Variants in CTNND2 observed in about 807,000 individuals in gnomAD.
The protein encoded by CTNND2 is catenin delta-2.
A neutral mutation model predicts 144.4 loss-of-function variants in CTNND2; 22 were observed. That is an observed-to-expected ratio of 0.15 (90% confidence interval 0.11 to 0.22). The LOEUF (loss-of-function observed/expected upper bound fraction) is 0.22. Ranked by LOEUF, CTNND2 falls within the 10% of genes least tolerant of loss-of-function variation. The pLI is 1.00. For synonymous variants in CTNND2, 751 were observed against 695.6 expected, an observed-to-expected ratio of 1.08 and a Z score of -1.25; for missense variants, 1,353 against 1,618.8, an observed-to-expected ratio of 0.84 and a Z score of 2.82.
chr5:11,129,358 A>T (rs1272595217), intron 12 of CTNND2, among the ~76,000 whole-genome samples: 1 of 129,098 alleles, frequency 7.7e-6, no homozygotes, highest in Non-Finnish European at 1.6e-5. Flanking sequence ...TCCTCGGAGC[A>T]TGTGGAAGGG....
chr5:11,592,282 TCCTTTCTG>T (rs1779296250), intron 2 of CTNND2, among the ~76,000 whole-genome samples: 1 of 151,256 alleles, frequency 6.6e-6, no homozygotes, highest in Non-Finnish European at 1.5e-5. Context: ...CTTCCTTCCT[TCCTTTCTG>T]CCTTCCTTCC....
intron 21 of CTNND2, among the ~76,000 whole-genome samples, chr5:10,976,950 G>A (rs1027441807): frequency 2.6e-5 from 4 of 152,184 alleles, no homozygotes; most frequent in African/African-American, 9.7e-5. Flanking sequence ...GCATCACCTG[G>A]GAACTTGTTA....
chr5:11,150,548 A>C (rs1217977335), intron 12 of CTNND2, among the ~76,000 whole-genome samples: 1 of 151,748 alleles, frequency 6.6e-6, no homozygotes, highest in African/African-American at 2.4e-5. Flanking sequence ...AGTGCAGCAC[A>C]GATAGCATCC....
intron 2 of CTNND2, among the ~76,000 whole-genome samples, chr5:11,699,364 A>T (rs1785307029): frequency 6.6e-6 from 1 of 152,162 alleles, no homozygotes; most frequent in Admixed American, 6.5e-5. Context: ...ACCTGGGAGG[A>T]TGACTAAGTC....
At chr5:11,089,300 G>T (rs1213757063) in intron 15 of CTNND2, among the ~76,000 whole-genome samples, 1 of 152,154 alleles carries the variant, frequency 6.6e-6, no homozygotes, top group Non-Finnish European at 1.5e-5. Context: ...CTCAATCATG[G>T]AACCCTAGCC....
At chr5:11,812,684 A>T (rs1009598656) in intron 1 of CTNND2, among the ~76,000 whole-genome samples, 1 of 152,234 alleles carries the variant, frequency 6.6e-6, no homozygotes. Flanking sequence ...TGATTAAAGA[A>T]AAAAGGTTCC....
At chr5:11,004,374 T>A (rs1339268498) in intron 18 of CTNND2, among the ~76,000 whole-genome samples, 1 of 152,234 alleles carries the variant, frequency 6.6e-6, no homozygotes, top group Non-Finnish European at 1.5e-5. Context: ...ATTTGAACAG[T>A]CAGCTATTTT....
At chr5:11,834,096 T>C (rs1431189561) in intron 1 of CTNND2, among the ~76,000 whole-genome samples, 1 of 152,076 alleles carries the variant, frequency 6.6e-6, no homozygotes. Context: ...AAGGAGTAGA[T>C]TGTAGTAAAG....
chr5:11,450,262 G>T (rs1313935338), intron 3 of CTNND2, among the ~76,000 whole-genome samples: 1 of 152,152 alleles, frequency 6.6e-6, no homozygotes, highest in Non-Finnish European at 1.5e-5. Context: ...CTATTGGTAG[G>T]TTCTATCATA....
At chr5:11,526,760 C>A (rs1204445094) in intron 3 of CTNND2, among the ~76,000 whole-genome samples, 1 of 152,140 alleles carries the variant, frequency 6.6e-6, no homozygotes. Context: ...TAGGTACACA[C>A]CCAGGAGAAC....
rs186380571 is a variant in CTNND2, at chr5:11,764,968, T to C, written c.38-32696A>G. ...TAACTCAGACTGCAAATTTATCAAG[T>C]TCCATTGGCCATGGGGCAACATGAA... On this transcript the variant is annotated intron_variant, in intron 1 of 21. Transcript: ENST00000304623. Among the ~76,000 whole-genome samples the C allele has an allele frequency of 3.4e-4, 52 of 152,236 alleles. No individual in the cohort carries two copies. The East Asian group carries it at 9.7e-3, about 28-fold the overall frequency.
At chr5:11,251,989 A>G (rs1743705087) in intron 9 of CTNND2, among the ~76,000 whole-genome samples, 1 of 152,192 alleles carries the variant, frequency 6.6e-6, no homozygotes, top group Non-Finnish European at 1.5e-5. Flanking sequence ...CAGCATTTAG[A>G]ATTGCTTTAT....
chr5:11,216,156 G>C (rs2149855378), intron 10 of CTNND2, among the ~76,000 whole-genome samples: 1 of 152,290 alleles, frequency 6.6e-6, no homozygotes, highest in South Asian at 2.1e-4. Context: ...CAGCTGTGCA[G>C]GGTTCCTCTA....
chr5:11,400,565 T>C (rs80346287), intron 5 of CTNND2, among the ~76,000 whole-genome samples: 12 of 151,972 alleles, frequency 7.9e-5, no homozygotes, highest in Non-Finnish European at 1.2e-4. Flanking sequence ...ACATTGATGA[T>C]GCTTAAGACA....
intron 9 of CTNND2, among the ~76,000 whole-genome samples, chr5:11,284,071 C>T (rs1376601638): frequency 1.3e-5 from 2 of 152,162 alleles, no homozygotes; most frequent in Non-Finnish European, 2.9e-5. Flanking sequence ...CCCACTGCTG[C>T]CTGGTGTGGG....
intron 1 of CTNND2, among the ~76,000 whole-genome samples, chr5:11,846,376 A>G (rs1424763902): frequency 6.6e-6 from 1 of 152,166 alleles, no homozygotes; most frequent in Non-Finnish European, 1.5e-5. Flanking sequence ...AATTAGAAGT[A>G]ACTGTATATC....
chr5:11,717,257 T>C (rs897149537), intron 2 of CTNND2, among the ~76,000 whole-genome samples: 1 of 152,050 alleles, frequency 6.6e-6, no homozygotes, highest in Non-Finnish European at 1.5e-5. Flanking sequence ...CTCACTGTAT[T>C]AGTTTGTTCT....
intron 1 of CTNND2, among the ~76,000 whole-genome samples, chr5:11,892,095 T>C (rs1208616318): frequency 6.6e-6 from 1 of 152,234 alleles, no homozygotes; most frequent in Non-Finnish European, 1.5e-5. Flanking sequence ...ATCACACATC[T>C]GCACATCACA....
At chr5:11,331,820 A>G (rs1335118690) in intron 9 of CTNND2, among the ~76,000 whole-genome samples, 1 of 152,202 alleles carries the variant, frequency 6.6e-6, no homozygotes, top group Non-Finnish European at 1.5e-5. Context: ...GTACAAAATT[A>G]CAGATAAGAG....
Sources: allele counts gnomAD v4.1 joint callset (sites outside exome capture counted in the v4.1 genomes callset), GRCh38; gene constraint gnomAD v4.1.1; transcripts MANE v1.5; gene names NCBI Gene and HGNC (gene_info 2026-07-23, HGNC 2026-07-21).